The following STK17A variants were observed in gnomAD, a reference collection of about 807,000 sequenced individuals.
The protein encoded by STK17A is serine/threonine-protein kinase 17A.
In STK17A, 26 loss-of-function variants were observed where a neutral mutation model predicts 43.7. The observed-to-expected ratio is 0.60, with a 90% confidence interval of 0.44 to 0.83. The LOEUF (loss-of-function observed/expected upper bound fraction) is 0.83, where lower values mean the gene tolerates loss of function less well. STK17A is among the 40% of genes least tolerant of loss of function. The probability of loss-of-function intolerance (pLI) is 0.00; values close to 1 mark genes in which losing one functional copy is unlikely to be tolerated. For synonymous variants in STK17A, 191 were observed against 182.5 expected, an observed-to-expected ratio of 1.05 and a Z score of -0.38; for missense variants, 476 against 511.6, an observed-to-expected ratio of 0.93 and a Z score of 0.67.
At chr7:43,605,402 C>T (rs759022426) in intron 2 of STK17A, among the ~76,000 whole-genome samples, 7 of 152,144 alleles carry the variant, frequency 4.6e-5, no homozygotes, top group Non-Finnish European at 1.0e-4. Flanking sequence ...GAAGTCTGTT[C>T]GTTGCCCCAG....
intron 4 of STK17A, 113 bp from the exon 5 acceptor site, chr7:43,623,459 C>G: frequency 1.2e-6 from 1 of 806,076 alleles, no homozygotes; most frequent in Non-Finnish European, 2.0e-6. Context: ...TTCATTTTAG[C>G]CCAAACGTTG....
chr7:43,619,299 G>A (rs937121476), intron 3 of STK17A, among the ~76,000 whole-genome samples: 7 of 152,200 alleles, frequency 4.6e-5, no homozygotes, highest in Admixed American at 1.3e-4. Context: ...AGGAGCAAGC[G>A]TGCTGCATGC....
intron 1 of STK17A, among the ~76,000 whole-genome samples, chr7:43,585,534 G>T (rs1484434340): frequency 6.6e-6 from 1 of 151,450 alleles, no homozygotes; most frequent in African/African-American, 2.4e-5. Flanking sequence ...GCAGTTATTA[G>T]ATAAATACTT....
chr7:43,612,595 C>T (rs2082972938), intron 3 of STK17A, among the ~76,000 whole-genome samples: 1 of 152,154 alleles, frequency 6.6e-6, no homozygotes, highest in South Asian at 2.1e-4. Context: ...TATTTAGTCT[C>T]CATGCTGGTT....
intron 4 of STK17A, among the ~76,000 whole-genome samples, chr7:43,620,817 T>C (rs2153010286): frequency 6.6e-6 from 1 of 152,332 alleles, no homozygotes; most frequent in South Asian, 2.1e-4. Context: ...GTCTGGGTCA[T>C]GGACATCAGT....
intron 3 of STK17A, chr7:43,609,324 T>G (rs548699743): frequency 6.6e-6 from 1 of 152,378 alleles, no homozygotes; most frequent in South Asian, 2.1e-4. Flanking sequence ...CCAGCGTAGA[T>G]CAATTTGGAA....
At chr7:43,623,925 T>G (rs1165369117) in intron 6 of STK17A, 37 bp downstream of exon 6, 12 of 1,320,928 alleles carry the variant, frequency 9.1e-6, no homozygotes, top group Non-Finnish European at 1.2e-5. Context: ...ATTGAACTAA[T>G]TCAATATTAA....
At chr7:43,619,307 T>C (rs562336588) in intron 3 of STK17A, among the ~76,000 whole-genome samples, 1 of 152,256 alleles carries the variant, frequency 6.6e-6, no homozygotes, top group South Asian at 2.1e-4. Flanking sequence ...GCGTGCTGCA[T>C]GCAAGGAGAT....
At chr7:43,598,410 C>T (rs10257700) in intron 2 of STK17A, among the ~76,000 whole-genome samples, 83,160 of 148,708 alleles carry the variant, frequency 0.56, 23,818 homozygotes, top group Non-Finnish European at 0.63. Flanking sequence ...GTGGAGCTTG[C>T]AGTGAGCACA....
At chr7:43,610,237 C>T (rs1374067164) in intron 3 of STK17A, among the ~76,000 whole-genome samples, 5 of 148,032 alleles carry the variant, frequency 3.4e-5, no homozygotes, top group South Asian at 2.1e-4. Context: ...GTCCCAGCTA[C>T]TTGGGAGGCT....
chr7:43,624,855 T>C lies in STK17A; in HGVS notation c.*13T>C. On this transcript the variant is annotated 3_prime_UTR_variant, in exon 7 of 7. Transcript: ENST00000319357. Reference sequence around the variant, plus strand: ...ATTTATCTACTGAGCAATATTTCCCTTTAGAACTTCAAGATTTCTACATTG... The same window carrying C: ...ATTTATCTACTGAGCAATATTTCCCCTTAGAACTTCAAGATTTCTACATTG... 1 of 1,567,514 alleles carries C rather than the reference T, an allele frequency of 6.4e-7. No homozygotes were observed. Among genetic ancestry groups the C allele is most frequent in the East Asian group, 2.2e-5 (1 of 44,460 alleles).
Position 43,624,691 on chromosome 7 carries a change from T to C in STK17A, c.1094T>C (p.Ile365Thr), listed in dbSNP as rs76244589. ...GACAAATCAGAAACCAAGGAATCCA[T>C]TGTAACCGAAGAGTTAATTGTAGTT... ...DTDKSETKES[I>T]VTEELIVVTS... The change falls in exon 7 of 7, where the codon ATT becomes ACT. Residue 365 changes from isoleucine (I) to threonine (T), a missense_variant. By Grantham distance (89) the Ile-to-Thr change is moderately conservative. Coordinates refer to ENST00000319357, the MANE Select transcript of STK17A (RefSeq NM_004760.3). The C allele has an allele frequency of 4.2e-4, 678 of 1,614,102 alleles. 13 individuals are homozygous for C. The East Asian group carries it at 0.015, about 35-fold the overall frequency.
intron 1 of STK17A, among the ~76,000 whole-genome samples, chr7:43,593,378 T>TA (rs750480936): frequency 1.3e-5 from 2 of 152,224 alleles, no homozygotes; most frequent in African/African-American, 2.4e-5. Flanking sequence ...GTCTTTTTCA[T>TA]ACAATAATTT....
chr7:43,591,936 C>G (rs1349040556), intron 1 of STK17A, among the ~76,000 whole-genome samples: 1 of 151,446 alleles, frequency 6.6e-6, no homozygotes, highest in African/African-American at 2.4e-5. Context: ...ACTTACTGCA[C>G]AGTACTTTAT....
At position 43,625,569 on chromosome 7, in the gene STK17A, C is replaced by G. The variant is rs2084418289; in HGVS notation, c.*727C>G. On this transcript the variant is annotated 3_prime_UTR_variant, in exon 7 of 7. Coordinates refer to ENST00000319357, the MANE Select transcript of STK17A (RefSeq NM_004760.3). ...TGCTTCCCTCATCACACCACACTCACATGCATCTGTTCTCTCTCACACTCT... is the reference window on the plus strand; with the variant it reads ...TGCTTCCCTCATCACACCACACTCAGATGCATCTGTTCTCTCTCACACTCT... 1 of 152,266 alleles carries G rather than the reference C, an allele frequency of 6.6e-6. No homozygotes were observed. The highest frequency in any genetic ancestry group is 2.1e-4 in the South Asian group (1 of 4,830). 9.4% of individuals were successfully genotyped at this position (152,266 alleles called of 1,614,324 possible). A position where few individuals can be genotyped will look rare whatever the true frequency, so the allele number is the denominator to read the frequency against.
chr7:43,585,295 G>C (rs2082430828), intron 1 of STK17A, among the ~76,000 whole-genome samples: 1 of 142,526 alleles, frequency 7.0e-6, no homozygotes, highest in African/African-American at 2.5e-5. Flanking sequence ...AATGTCTTCA[G>C]GTGGCAAGCA....
chr7:43,588,480 C>T (rs761679285), intron 1 of STK17A, among the ~76,000 whole-genome samples: 4 of 151,414 alleles, frequency 2.6e-5, no homozygotes, highest in Non-Finnish European at 5.9e-5. Context: ...GATTTTTACG[C>T]CTAGGGTCTT....
At chr7:43,607,177 C>G (rs1489331708) in intron 2 of STK17A, among the ~76,000 whole-genome samples, 1 of 151,820 alleles carries the variant, frequency 6.6e-6, no homozygotes, top group African/African-American at 2.4e-5. Flanking sequence ...CCTGCCTCAG[C>G]CTCCCAAGGT....
intron 3 of STK17A, among the ~76,000 whole-genome samples, chr7:43,611,386 T>C (rs1482597052): frequency 6.6e-6 from 1 of 152,220 alleles, no homozygotes; most frequent in Non-Finnish European, 1.5e-5. Flanking sequence ...ATACCATGGC[T>C]AAAATGGACA....
Sources: allele counts gnomAD v4.1 joint callset (sites outside exome capture counted in the v4.1 genomes callset), GRCh38; gene constraint gnomAD v4.1.1; transcripts MANE v1.5; gene names NCBI Gene and HGNC (gene_info 2026-07-23, HGNC 2026-07-21).